Variants in CHL1 observed in about 807,000 individuals in gnomAD.
CHL1 encodes neural cell adhesion molecule L1-like protein.
In CHL1, 96 loss-of-function variants were observed where a neutral mutation model predicts 141.9. The ratio of observed to expected loss-of-function variants is 0.68; its 90% CI spans 0.57 to 0.80. The LOEUF (loss-of-function observed/expected upper bound fraction) is 0.80. Among genes scored for constraint, CHL1 ranks in the 30% least tolerant of loss-of-function variants. CHL1 has a pLI of 0.00. For missense variants in CHL1, 1,820 were observed against 1,457.2 expected (o/e 1.25, Z -4.05); for synonymous variants, 613 against 502.2 (o/e 1.22, Z -2.95).
chr3:237,903 G>C (rs13072223), intron 1 of CHL1, among the ~76,000 whole-genome samples: 77,030 of 152,042 alleles, frequency 0.51, 21,160 homozygotes, highest in Non-Finnish European at 0.61. Flanking sequence ...TATTTAGAAT[G>C]CTCTTTCAGA....
intron 1 of CHL1, among the ~76,000 whole-genome samples, chr3:223,433 T>G (rs1701040558): frequency 1.3e-5 from 2 of 152,216 alleles, no homozygotes; most frequent in African/African-American, 4.8e-5. Context: ...CAGAATGTGG[T>G]CAGTTTTGGC....
rs539002363 is a variant in CHL1, at chr3:225,877, C to T, written c.-174-18736C>T. 2.8e-3 allele frequency among the ~76,000 whole-genome samples: 422 copies of T among 151,868 alleles called. 3 individuals carry two copies. The highest frequency in any genetic ancestry group is 9.7e-3 in the African/African-American group (401 of 41,454). On this transcript the variant is annotated intron_variant, in intron 1 of 27. Coordinates refer to ENST00000256509, the MANE Select transcript of CHL1 (RefSeq NM_006614.4). Reference sequence around the variant, plus strand: ...TCAAAAAATTAGCCAGGTGTGGTGGCAGGCACCTGTAGTCCCAGCTACTCG... The same window carrying T: ...TCAAAAAATTAGCCAGGTGTGGTGGTAGGCACCTGTAGTCCCAGCTACTCG...
chr3:305,087 T>C (rs1255128627), intron 2 of CHL1, among the ~76,000 whole-genome samples: 1 of 152,182 alleles, frequency 6.6e-6, no homozygotes. Flanking sequence ...GAAAACATCA[T>C]ATCTCTAGAG....
chr3:342,963 C>T (rs1205381609), intron 7 of CHL1, 21 bp from the exon 8 acceptor site: 2 of 1,588,262 alleles, frequency 1.3e-6, no homozygotes, highest in South Asian at 1.2e-5. Context: ...TGTGTTTTTT[C>T]CTTCCGTTTT....
At chr3:354,869 G>T in intron 11 of CHL1, 98 bp downstream of exon 11, 1 of 1,452,098 alleles carries the variant, frequency 6.9e-7, no homozygotes, top group Non-Finnish European at 9.4e-7. Flanking sequence ...GTATGTGGTT[G>T]GATTAGCAGG....
chr3:221,170 C>T (rs868586753), intron 1 of CHL1, among the ~76,000 whole-genome samples: 1 of 152,196 alleles, frequency 6.6e-6, no homozygotes, highest in East Asian at 1.9e-4. Flanking sequence ...TGTCTTATTT[C>T]TCCTTAAAAT....
intron 5 of CHL1, among the ~76,000 whole-genome samples, chr3:328,907 T>C (rs1559262565): frequency 2.6e-5 from 4 of 152,172 alleles, no homozygotes; most frequent in Non-Finnish European, 4.4e-5. Context: ...CTCCTACTCA[T>C]GTTTTGTTAG....
chr3:264,613 T>C (rs1168640944), intron 2 of CHL1, among the ~76,000 whole-genome samples: 2 of 152,210 alleles, frequency 1.3e-5, no homozygotes, highest in African/African-American at 4.8e-5. Context: ...ACTTCCTGTC[T>C]TTGACATATT....
chr3:359,749 C>G (rs1002752605), intron 11 of CHL1, among the ~76,000 whole-genome samples: 1 of 152,096 alleles, frequency 6.6e-6, no homozygotes, highest in Non-Finnish European at 1.5e-5. Flanking sequence ...AATATACAAG[C>G]AATGTACATG....
intron 1 of CHL1, among the ~76,000 whole-genome samples, chr3:231,825 C>T (rs576184399): frequency 3.4e-4 from 52 of 152,020 alleles, no homozygotes; most frequent in Non-Finnish European, 6.5e-4. Context: ...GATCCACCCT[C>T]CTTGGCCTCT....
At chr3:303,436 T>C (rs1209172782) in intron 2 of CHL1, among the ~76,000 whole-genome samples, 2 of 152,150 alleles carry the variant, frequency 1.3e-5, no homozygotes, top group African/African-American at 2.4e-5. Flanking sequence ...TTGTAGTTCT[T>C]GAAGAGGCCC....
chr3:255,316 A>T (rs1417839739), intron 2 of CHL1, among the ~76,000 whole-genome samples: 1 of 152,226 alleles, frequency 6.6e-6, no homozygotes, highest in Non-Finnish European at 1.5e-5. Flanking sequence ...TTCAAAGGCA[A>T]CAGGGAAGAC....
At chr3:242,521 G>A (rs559455071) in intron 1 of CHL1, among the ~76,000 whole-genome samples, 14 of 152,112 alleles carry the variant, frequency 9.2e-5, no homozygotes, top group East Asian at 3.9e-4. Context: ...GCTTGAACCA[G>A]GGAGGCAGAG....
intron 1 of CHL1, among the ~76,000 whole-genome samples, chr3:226,491 G>C (rs945048547): frequency 2.0e-5 from 3 of 149,848 alleles, no homozygotes; most frequent in African/African-American, 7.4e-5. Flanking sequence ...GCCCAGGCTG[G>C]GGTGCAATGG....
intron 5 of CHL1, 84 bp downstream of exon 5, chr3:328,438 A>G: frequency 8.6e-7 from 1 of 1,166,466 alleles, no homozygotes; most frequent in East Asian, 2.5e-5. Flanking sequence ...AATGAAATAA[A>G]GCAGTTATTA....
intron 2 of CHL1, among the ~76,000 whole-genome samples, chr3:299,853 T>C (rs545914871): frequency 6.6e-6 from 1 of 152,264 alleles, no homozygotes; most frequent in African/African-American, 2.4e-5. Flanking sequence ...AATCTACGAA[T>C]AGTGAGATTG....
chr3:335,863 C>T (rs1701823340), intron 5 of CHL1, among the ~76,000 whole-genome samples: 1 of 152,120 alleles, frequency 6.6e-6, no homozygotes, highest in African/African-American at 2.4e-5. Flanking sequence ...AACTCCCTGT[C>T]CCTTTGGCCT....
chr3:292,700 G>A (rs2125347408), intron 2 of CHL1, among the ~76,000 whole-genome samples: 1 of 152,298 alleles, frequency 6.6e-6, no homozygotes, highest in East Asian at 1.9e-4. Flanking sequence ...CTCAGCTTCT[G>A]GGGAAGCCAC....
chr3:244,529 T>G (rs1423417712), intron 1 of CHL1, 84 bp from the exon 2 acceptor site: 1 of 152,152 alleles, frequency 6.6e-6, no homozygotes, highest in African/African-American at 2.4e-5. Context: ...ATCCATTTTT[T>G]TAAACAGAAA....
Sources: allele counts gnomAD v4.1 joint callset (sites outside exome capture counted in the v4.1 genomes callset), GRCh38; gene constraint gnomAD v4.1.1; transcripts MANE v1.5; gene names NCBI Gene and HGNC (gene_info 2026-07-23, HGNC 2026-07-21).